Variants in ARHGAP15 observed in about 807,000 individuals in gnomAD.
ARHGAP15 encodes Rho GTPase activating protein 15.
Under a neutral mutation model 63.7 loss-of-function variants are expected in ARHGAP15, and 51 were observed. The observed-to-expected ratio is 0.80, with a 90% CI of 0.64 to 1.01. The LOEUF is 1.01. ARHGAP15 is among the 50% of genes least tolerant of loss of function. The probability of loss-of-function intolerance (pLI) is 0.00; values close to 1 mark genes in which losing one functional copy is unlikely to be tolerated. For synonymous variants in ARHGAP15, 191 were observed against 193.8 expected (o/e 0.99, Z 0.12); for missense variants, 560 against 564.6 (o/e 0.99, Z 0.08).
chr2:143,701,650 G>A (rs1684095051), intron 12 of ARHGAP15, among the ~76,000 whole-genome samples: 1 of 152,148 alleles, frequency 6.6e-6, no homozygotes. Context: ...AGGATAGCTT[G>A]AGCCCAGGAG....
At position 143,208,090 on chromosome 2, in the gene ARHGAP15, T is replaced by A. The variant is rs1337776476; in HGVS notation, c.234+5888T>A. ...ATATATGAAATAATATACAGGAAAA[T>A]ACTTCTGAGAATTAATGACATTCTT... is the stretch of plus-strand genomic sequence containing the variant. On this transcript the variant is annotated intron_variant, in intron 3 of 13. Coordinates refer to ENST00000295095, the MANE Select transcript of ARHGAP15 (RefSeq NM_018460.4). 2.0e-5 allele frequency among the ~76,000 whole-genome samples: 3 copies of A among 152,148 alleles called. No individual in the cohort carries two copies. The South Asian group carries it at 6.2e-4, about 31-fold the overall frequency.
chr2:143,606,377 A>T (rs1038828260), intron 11 of ARHGAP15, among the ~76,000 whole-genome samples: 10 of 152,224 alleles, frequency 6.6e-5, no homozygotes, highest in East Asian at 1.9e-4. Context: ...CTTAAGTGGG[A>T]TAGCGAATGT....
rs1558779347 is a variant in ARHGAP15 at position 143,153,827 on chromosome 2, CTTCT to C, written c.-14-1648_-14-1645del. On this transcript the variant is annotated intron_variant, in intron 1 of 13. Transcript: ENST00000295095. ...TCTTCTTCTTCTTCTTCTTCTTCTT[CTTCT>C]TCTTCTTCTTCTTCCTCCTCCTCCT... 3.3e-3 allele frequency among the ~76,000 whole-genome samples: 302 copies of C among 90,316 alleles called. 6 individuals carry two copies. The highest frequency in any genetic ancestry group is 5.4e-3 in the East Asian group (15 of 2,762). The allele number at this position is 90,316 out of a possible 152,430, so 59.3% of individuals were successfully genotyped here.
intron 13 of ARHGAP15, among the ~76,000 whole-genome samples, chr2:143,719,782 C>T (rs1449687123): frequency 2.0e-5 from 3 of 152,160 alleles, no homozygotes; most frequent in African/African-American, 7.2e-5. Flanking sequence ...CCCTCTCTGA[C>T]CTCATCTTCC....
In ARHGAP15 at chr2:143,629,958, TATAA is replaced by T. The variant is rs1417672537; in HGVS notation, c.1138+5695_1138+5698del. On this transcript the variant is annotated intron_variant, in intron 12 of 13. Coordinates refer to ENST00000295095, the MANE Select transcript of ARHGAP15 (RefSeq NM_018460.4). ...ACTAGACTTGGCATTCAAATACAAA[TATAA>T]ATACTTTGTATCATTGTATATTGCC... is the stretch of plus-strand genomic sequence containing the variant. Among the ~76,000 whole-genome samples the T allele has an allele frequency of 5.9e-5, 9 of 152,272 alleles. No individual in the cohort carries two copies. In the East Asian group the frequency reaches 1.4e-3, roughly 23 times the overall value.
At chr2:143,635,194 CTTTTTTTTTTTTTTT>C (rs10558886) in intron 12 of ARHGAP15, among the ~76,000 whole-genome samples, 3 of 26,882 alleles carry the variant, frequency 1.1e-4, no homozygotes, top group South Asian at 2.0e-3. Context: ...CTCTCAGGAG[CTTTTTTTTTTTTTTT>C]TTTTTTTTTT....
At chr2:143,174,442 TA>T (rs1000096459) in intron 2 of ARHGAP15, among the ~76,000 whole-genome samples, 3 of 151,984 alleles carry the variant, frequency 2.0e-5, no homozygotes, top group Non-Finnish European at 1.5e-5. Flanking sequence ...TAATTTTTTT[TA>T]AAAAAAGAAA....
At chr2:143,415,692 C>G (rs184797893) in intron 6 of ARHGAP15, among the ~76,000 whole-genome samples, 1 of 152,084 alleles carries the variant, frequency 6.6e-6, no homozygotes, top group East Asian at 1.9e-4. Context: ...TATAGCAGCA[C>G]AATTTGTAAT....
intron 10 of ARHGAP15, among the ~76,000 whole-genome samples, chr2:143,550,669 A>C (rs1010326032): frequency 3.9e-5 from 6 of 152,216 alleles, no homozygotes; most frequent in African/African-American, 1.4e-4. Flanking sequence ...GTTGGGCAGC[A>C]CTTAATCTGA....
intron 9 of ARHGAP15, among the ~76,000 whole-genome samples, chr2:143,495,187 T>C (rs1321849945): frequency 6.6e-6 from 1 of 152,228 alleles, no homozygotes; most frequent in Non-Finnish European, 1.5e-5. Context: ...CATTTCATCT[T>C]GCCTTTCTTA....
intron 13 of ARHGAP15, among the ~76,000 whole-genome samples, chr2:143,755,516 C>T (rs1255638095): frequency 2.0e-5 from 3 of 152,154 alleles, no homozygotes; most frequent in Non-Finnish European, 4.4e-5. Context: ...CTTTCTTTCA[C>T]ATCATGGCTT....
chr2:143,703,208 C>A (rs1478909099), intron 12 of ARHGAP15, among the ~76,000 whole-genome samples: 1 of 152,130 alleles, frequency 6.6e-6, no homozygotes, highest in Non-Finnish European at 1.5e-5. Context: ...CATACACAGC[C>A]TCCCAGAAGG....
intron 13 of ARHGAP15, among the ~76,000 whole-genome samples, chr2:143,757,642 G>C (rs1046672315): frequency 6.6e-6 from 1 of 152,154 alleles, no homozygotes; most frequent in African/African-American, 2.4e-5. Flanking sequence ...TCAATGGAGA[G>C]TGGTGGTTTA....
chr2:143,393,168 T>G (rs753005098), intron 6 of ARHGAP15, among the ~76,000 whole-genome samples: 1 of 152,166 alleles, frequency 6.6e-6, no homozygotes, highest in African/African-American at 2.4e-5. Context: ...AGCTCAAAGA[T>G]CTACCCAGCC....
In ARHGAP15 at chr2:143,537,728, A is replaced by G. The variant is rs564485199; in HGVS notation, c.925+18364A>G. Among the ~76,000 whole-genome samples the G allele has an allele frequency of 7.2e-5, 11 of 152,204 alleles. No homozygotes were observed. In the South Asian group the frequency reaches 2.3e-3, roughly 32 times the overall value. ...ATTTCTGAGGGCTCTGTTCTGTTCC[A>G]TTGATCTATATCTCTGTTTTGGTGC... On this transcript the variant is annotated intron_variant, in intron 10 of 13. Coordinates refer to ENST00000295095, the MANE Select transcript of ARHGAP15 (RefSeq NM_018460.4).
At chr2:143,439,442 A>AAAAAAAAAAAAAAAG (rs1689770617) in intron 8 of ARHGAP15, among the ~76,000 whole-genome samples, 1 of 147,370 alleles carries the variant, frequency 6.8e-6, no homozygotes, top group Non-Finnish European at 1.5e-5. Context: ...AAAAAAAAAA[A>AAAAAAAAAAAAAAAG]AAAAAAGGGA....
intron 6 of ARHGAP15, among the ~76,000 whole-genome samples, chr2:143,400,661 C>T (rs1687952020): frequency 6.6e-6 from 1 of 151,806 alleles, no homozygotes; most frequent in South Asian, 2.1e-4. Flanking sequence ...CAGTAATTAC[C>T]TTTAGGAAAT....
chr2:143,282,807 C>T (rs1681915942), intron 6 of ARHGAP15, among the ~76,000 whole-genome samples: 1 of 152,190 alleles, frequency 6.6e-6, no homozygotes, highest in African/African-American at 2.4e-5. Context: ...TCTTCTCACA[C>T]TGGCATGCTA....
intron 12 of ARHGAP15, among the ~76,000 whole-genome samples, chr2:143,677,863 A>G (rs934795507): frequency 2.6e-5 from 4 of 152,228 alleles, no homozygotes; most frequent in Non-Finnish European, 5.9e-5. Flanking sequence ...GATACACAAT[A>G]AAAGGCAGAA....
Sources: allele counts gnomAD v4.1 joint callset (sites outside exome capture counted in the v4.1 genomes callset), GRCh38; gene constraint gnomAD v4.1.1; transcripts MANE v1.5; gene names NCBI Gene and HGNC (gene_info 2026-07-23, HGNC 2026-07-21).